MYO3B: variants seen among roughly 807,000 people sequenced by gnomAD.
MYO3B encodes the protein myosin IIIB.
Under a neutral mutation model 174.6 loss-of-function variants are expected in MYO3B, and 156 were observed. That is an observed-to-expected ratio of 0.89 (90% CI 0.78 to 1.02). The LOEUF (loss-of-function observed/expected upper bound fraction) is 1.02, where lower values mean the gene tolerates loss of function less well. Ranked by LOEUF, MYO3B falls within the 50% of genes least tolerant of loss-of-function variation. MYO3B has a pLI of 0.00. For synonymous variants in MYO3B, 563 were observed against 569.1 expected, an observed-to-expected ratio of 0.99 and a Z score of 0.15; for missense variants, 1,632 against 1,639.4, an observed-to-expected ratio of 1.00 and a Z score of 0.08.
At chr2:170,640,778 A>C (rs1697895386) in intron 32 of MYO3B, 1 of 152,152 alleles carries the variant, frequency 6.6e-6, no homozygotes. Context: ...AAGTGTGATG[A>C]TACCATTTCA....
intron 6 of MYO3B, among the ~76,000 whole-genome samples, chr2:170,227,759 T>C (rs145241251): frequency 4.6e-5 from 7 of 152,326 alleles, no homozygotes; most frequent in African/African-American, 1.4e-4. Context: ...GATACTCTGA[T>C]TGATTTGCTT....
chr2:170,370,234 G>A (rs1205276110), intron 9 of MYO3B, among the ~76,000 whole-genome samples: 1 of 152,116 alleles, frequency 6.6e-6, no homozygotes, highest in Non-Finnish European at 1.5e-5. Context: ...AAGTACTGGA[G>A]GTGAAGAAAA....
chr2:170,420,024 A>G (rs1000602556), intron 22 of MYO3B, among the ~76,000 whole-genome samples: 1 of 152,090 alleles, frequency 6.6e-6, no homozygotes, highest in African/African-American at 2.4e-5. Context: ...CTCTACTAAA[A>G]ATACAAAAAT....
At chr2:170,268,926 A>G (rs988411356) in intron 7 of MYO3B, among the ~76,000 whole-genome samples, 1 of 152,192 alleles carries the variant, frequency 6.6e-6, no homozygotes, top group African/African-American at 2.4e-5. Context: ...ACCACTATAC[A>G]TATAAATCAA....
At chr2:170,381,298 A>C (rs909293179) in intron 9 of MYO3B, among the ~76,000 whole-genome samples, 1 of 152,230 alleles carries the variant, frequency 6.6e-6, no homozygotes, top group African/African-American at 2.4e-5. Flanking sequence ...AATAGAGTTT[A>C]AAAATCATAA....
At chr2:170,362,565 C>G (rs1275626700) in intron 8 of MYO3B, among the ~76,000 whole-genome samples, 1 of 152,010 alleles carries the variant, frequency 6.6e-6, no homozygotes, top group African/African-American at 2.4e-5. Context: ...ATCCTACCTT[C>G]TTGGGGATTT....
At chr2:170,522,979 A>G (rs1331198585) in intron 30 of MYO3B, among the ~76,000 whole-genome samples, 2 of 152,246 alleles carry the variant, frequency 1.3e-5, no homozygotes, top group African/African-American at 4.8e-5. Context: ...CAGCTGAACT[A>G]AACAATGTAC....
At chr2:170,239,073 A>G (rs7577539) in intron 7 of MYO3B, among the ~76,000 whole-genome samples, 8,653 of 152,000 alleles carry the variant, frequency 0.057, 381 homozygotes, top group African/African-American at 0.12. Context: ...CAAAAAAGTC[A>G]CCCCTCTCTG....
At chr2:170,501,993 G>A (rs930701699) in intron 28 of MYO3B, 128 bp downstream of exon 28, 1 of 637,612 alleles carries the variant, frequency 1.6e-6, no homozygotes, top group South Asian at 1.9e-5. Flanking sequence ...TGGGAGACAG[G>A]AGTCCTAGTG....
At chr2:170,293,693 A>G (rs900930195) in intron 7 of MYO3B, among the ~76,000 whole-genome samples, 2 of 152,174 alleles carry the variant, frequency 1.3e-5, no homozygotes, top group African/African-American at 4.8e-5. Flanking sequence ...AGGATAGAGA[A>G]AGAGAAGCAG....
chr2:170,200,765 A>G (rs2092652981), intron 3 of MYO3B, among the ~76,000 whole-genome samples: 1 of 152,172 alleles, frequency 6.6e-6, no homozygotes, highest in African/African-American at 2.4e-5. Context: ...TAGACCTAGA[A>G]AAAAGTGAGG....
intron 6 of MYO3B, among the ~76,000 whole-genome samples, chr2:170,219,446 C>A (rs1323514748): frequency 6.6e-6 from 1 of 152,090 alleles, no homozygotes; most frequent in Non-Finnish European, 1.5e-5. Context: ...GAGTTTGAGA[C>A]CAGCCTGTCC....
At chr2:170,543,041 T>C in intron 31 of MYO3B, 75 bp downstream of exon 31, 2 of 1,258,918 alleles carry the variant, frequency 1.6e-6, no homozygotes, top group Non-Finnish European at 2.3e-6. Flanking sequence ...GGCATGAAGC[T>C]TGTCTGCGGC....
chr2:170,366,786 C>T lies in MYO3B; in HGVS notation c.816-2436C>T, dbSNP rs1018969518. On this transcript the variant is annotated intron_variant, in intron 8 of 34. Transcript: ENST00000408978. ...TCTAACATATCAAATGATCTTGCGA[C>T]CGTGTTGGAAGCCTTGCTTCTCCAG... Among the ~76,000 whole-genome samples the T allele has an allele frequency of 3.9e-5, 6 of 152,244 alleles. No individual in the cohort carries two copies. The East Asian group carries it at 1.2e-3, about 29-fold the overall frequency.
At chr2:170,496,030 A>T (rs1234953504) in intron 25 of MYO3B, among the ~76,000 whole-genome samples, 1 of 151,986 alleles carries the variant, frequency 6.6e-6, no homozygotes, top group Admixed American at 6.6e-5. Context: ...CCCTCCTCCC[A>T]CTTAGCTCCG....
Position 170,466,691 on chromosome 2 carries a change from T to G in MYO3B, c.2994T>G (p.Leu998=). Residue 998 remains leucine (L), a synonymous_variant, in exon 25 of 35, where the codon CTT becomes CTG. Coordinates refer to ENST00000408978, the MANE Select transcript of MYO3B (RefSeq NM_138995.5). ...GCCAGGGCTATTCCCACCGCATCCT[T>G]TTTGAAGAATTTGTGAAAAGGTCAG... ...IRRQGYSHRI[L]FEEFVKRYYY... 6.2e-7 allele frequency: 1 copy of G among 1,614,172 alleles called. No individual in the cohort carries two copies. Among genetic ancestry groups the G allele is most frequent in the Non-Finnish European group, 8.5e-7 (1 of 1,180,018 alleles).
At chr2:170,542,840 C>A in intron 30 of MYO3B, 66 bp from the exon 31 acceptor site, 1 of 1,212,646 alleles carries the variant, frequency 8.2e-7, no homozygotes, top group Non-Finnish European at 1.2e-6. Flanking sequence ...GAAAAACAGT[C>A]CTCTCTAAGT....
At chr2:170,420,201 CAAACAAACAAAACAAAAAACAG>C (rs1458592732) in intron 22 of MYO3B, among the ~76,000 whole-genome samples, 25 of 151,906 alleles carry the variant, frequency 1.6e-4, no homozygotes, top group Admixed American at 1.4e-3. Flanking sequence ...AACAAACAAA[CAAACAAACAAAACAAAAAACAG>C]AAACAAACAA....
At position 170,329,257 on chromosome 2, in the gene MYO3B, GTGTATA is replaced by G. The variant is rs1281673195; in HGVS notation, c.750-6126_750-6121del. ...TGTGTGTGTGTGTGTGTGTGTGTGTGTGTATATATATAAAATATTTATAGCAGATGC... is the reference window on the plus strand; with the variant it reads ...TGTGTGTGTGTGTGTGTGTGTGTGTGTATATAAAATATTTATAGCAGATGC... On this transcript the variant is annotated intron_variant, in intron 7 of 34. Coordinates refer to ENST00000408978, the MANE Select transcript of MYO3B (RefSeq NM_138995.5). Among the ~76,000 whole-genome samples the G allele has an allele frequency of 2.6e-3, 379 of 147,622 alleles. 1 individual carries two copies. The highest frequency in any genetic ancestry group is 9.2e-3 in the African/African-American group (363 of 39,506).
Sources: allele counts gnomAD v4.1 joint callset (sites outside exome capture counted in the v4.1 genomes callset), GRCh38; gene constraint gnomAD v4.1.1; transcripts MANE v1.5; gene names NCBI Gene and HGNC (gene_info 2026-07-23, HGNC 2026-07-21).